MTHFD1L: variants seen among roughly 807,000 people sequenced by gnomAD.
The protein encoded by MTHFD1L is monofunctional C1-tetrahydrofolate synthase, mitochondrial.
MTHFD1L carries 81 observed loss-of-function variants against 119.5 expected under a neutral mutation model. The observed-to-expected ratio is 0.68, with a 90% CI of 0.57 to 0.82. The LOEUF is 0.82. Ranked by LOEUF, MTHFD1L falls within the 40% of genes least tolerant of loss-of-function variation. MTHFD1L has a pLI of 0.00. For missense variants in MTHFD1L, 1,125 were observed against 1,253.4 expected, an observed-to-expected ratio of 0.90 and a Z score of 1.55; for synonymous variants, 430 against 475.2, an observed-to-expected ratio of 0.90 and a Z score of 1.24.
In MTHFD1L at chr6:151,079,550, C is replaced by T. The variant is rs537268936; in HGVS notation, c.2848-12917C>T. ...TCGGCTCACAGCTGGAGTGCGATGG[C>T]GTGATCTCGGCTCACCGCAACCTCC... On this transcript the variant is annotated intron_variant, in intron 26 of 27. Transcript: ENST00000367321. Among the ~76,000 whole-genome samples, 39 of 152,102 alleles carry T rather than the reference C, an allele frequency of 2.6e-4. 2 individuals carry two copies. The South Asian group carries it at 7.5e-3, about 29-fold the overall frequency.
chr6:150,870,886 C>T (rs1323451641), intron 1 of MTHFD1L, among the ~76,000 whole-genome samples: 1 of 149,938 alleles, frequency 6.7e-6, no homozygotes, highest in Non-Finnish European at 1.5e-5. Flanking sequence ...CACTACACTC[C>T]AGCCTGGGAA....
At chr6:150,929,645 C>T (rs1010415036) in intron 11 of MTHFD1L, among the ~76,000 whole-genome samples, 15 of 152,166 alleles carry the variant, frequency 9.9e-5, no homozygotes, top group African/African-American at 3.1e-4. Flanking sequence ...CAATGCAGTC[C>T]ATGGCCAGTA....
intron 26 of MTHFD1L, among the ~76,000 whole-genome samples, chr6:151,077,058 A>G (rs777838209): frequency 1.3e-5 from 2 of 152,212 alleles, no homozygotes; most frequent in Admixed American, 6.5e-5. Flanking sequence ...GGGTCAGTCC[A>G]GGAGACCTAA....
At chr6:150,916,737 CTTTTTTTTTTTTTTTT>C (rs57961829) in intron 8 of MTHFD1L, among the ~76,000 whole-genome samples, 76 of 72,110 alleles carry the variant, frequency 1.1e-3, no homozygotes, top group Admixed American at 2.2e-3. Flanking sequence ...GATTCTATCC[CTTTTTTTTTTTTTTTT>C]TTTTTTTTTT....
At chr6:151,023,283 G>A (rs537451389) in intron 24 of MTHFD1L, among the ~76,000 whole-genome samples, 5 of 152,222 alleles carry the variant, frequency 3.3e-5, no homozygotes, top group Non-Finnish European at 7.4e-5. Context: ...CTGACCTCAA[G>A]TGATCTGTCC....
intron 26 of MTHFD1L, among the ~76,000 whole-genome samples, chr6:151,069,274 T>TCTCTCTCTCTCTCC (rs1301655216): frequency 1.3e-5 from 2 of 151,194 alleles, no homozygotes; most frequent in African/African-American, 4.9e-5. Context: ...TCTCTCTCTC[T>TCTCTCTCTCTCTCC]CTCTCTCCCT....
At chr6:150,925,199 G>A (rs1464268646) in intron 10 of MTHFD1L, among the ~76,000 whole-genome samples, 4 of 152,178 alleles carry the variant, frequency 2.6e-5, no homozygotes, top group Admixed American at 2.6e-4. Flanking sequence ...GTGTTCTGGG[G>A]TGAGTGAAGG....
chr6:150,995,255 C>A (rs1270363539), intron 20 of MTHFD1L, among the ~76,000 whole-genome samples: 1 of 152,132 alleles, frequency 6.6e-6, no homozygotes, highest in Non-Finnish European at 1.5e-5. Flanking sequence ...GTGGCTCACG[C>A]CTGTATCCCA....
intron 26 of MTHFD1L, among the ~76,000 whole-genome samples, chr6:151,051,522 C>A (rs922835972): frequency 6.6e-6 from 1 of 152,200 alleles, no homozygotes; most frequent in Non-Finnish European, 1.5e-5. Flanking sequence ...GGGATCTTTG[C>A]GCAGGAATAA....
intron 16 of MTHFD1L, among the ~76,000 whole-genome samples, chr6:150,953,285 C>T (rs1459480916): frequency 3.3e-5 from 5 of 152,224 alleles, no homozygotes; most frequent in African/African-American, 1.2e-4. Flanking sequence ...TTCCTTAGGA[C>T]ATAGTCAGCA....
intron 22 of MTHFD1L, among the ~76,000 whole-genome samples, chr6:151,014,551 A>C (rs1400479404): frequency 6.6e-6 from 1 of 152,186 alleles, no homozygotes; most frequent in Non-Finnish European, 1.5e-5. Context: ...TGAGCCAGGA[A>C]TACCTGGTCA....
At chr6:150,910,542 C>T (rs140011689) in intron 8 of MTHFD1L, among the ~76,000 whole-genome samples, 1,952 of 144,160 alleles carry the variant, frequency 0.014, 21 homozygotes, top group Non-Finnish European at 0.019. Flanking sequence ...GCACCAAGAG[C>T]GAAACTCCAT....
At chr6:150,923,509 C>CTTTATGTATTTATTTATTTA (rs1789368762) in intron 10 of MTHFD1L, among the ~76,000 whole-genome samples, 1 of 118,044 alleles carries the variant, frequency 8.5e-6, no homozygotes. Flanking sequence ...GTAACTGACA[C>CTTTATGTATTTATTTATTTA]TTTATTTATT....
intron 8 of MTHFD1L, among the ~76,000 whole-genome samples, chr6:150,916,292 C>CGT (rs1208166811): frequency 6.0e-4 from 24 of 39,986 alleles, no homozygotes; most frequent in African/African-American, 2.4e-3. Flanking sequence ...AAGGTAGAAT[C>CGT]TTTTTTTTTT....
chr6:150,929,894 G>A (rs780954159), intron 11 of MTHFD1L, among the ~76,000 whole-genome samples: 2 of 151,982 alleles, frequency 1.3e-5, no homozygotes, highest in South Asian at 2.1e-4. Context: ...AAAAATAACC[G>A]TGCTGGTAAG....
At chr6:150,936,180 C>T (rs776728538) in intron 11 of MTHFD1L, among the ~76,000 whole-genome samples, 1 of 151,874 alleles carries the variant, frequency 6.6e-6, no homozygotes, top group African/African-American at 2.4e-5. Context: ...AATGCAGATG[C>T]CTTCTCTCTA....
At chr6:150,932,790 GGAAGA>G (rs1363255645) in intron 11 of MTHFD1L, among the ~76,000 whole-genome samples, 1 of 128,562 alleles carries the variant, frequency 7.8e-6, no homozygotes, top group African/African-American at 2.9e-5. Flanking sequence ...AAAAGAGAAA[GGAAGA>G]AAGGGAGGAA....
At chr6:151,099,776 A>G in intron 27 of MTHFD1L, 1 of 1,608,480 alleles carries the variant, frequency 6.2e-7, no homozygotes, top group Non-Finnish European at 8.5e-7. Flanking sequence ...AACGTCAAGG[A>G]GCTGGAAGTG....
chr6:151,011,342 T>C (rs1317839253), intron 21 of MTHFD1L, among the ~76,000 whole-genome samples: 1 of 152,200 alleles, frequency 6.6e-6, no homozygotes. Context: ...CTTCCGCCCA[T>C]GTAGGATGCA....
Sources: gnomAD v4.1 joint callset for allele counts (sites outside exome capture counted in the v4.1 genomes callset) on GRCh38, gnomAD v4.1.1 for gene constraint, MANE v1.5 for transcripts, NCBI Gene and HGNC (gene_info 2026-07-23, HGNC 2026-07-21) for gene names.